The following ARID1A variants were observed in gnomAD, a reference collection of about 807,000 sequenced individuals.
The protein encoded by ARID1A is AT-rich interactive domain-containing protein 1A.
A neutral mutation model predicts 212.6 loss-of-function variants in ARID1A; 20 were observed. That is an observed-to-expected ratio of 0.09 (90% CI 0.07 to 0.14). The LOEUF is 0.14. ARID1A is among the 10% of genes least tolerant of loss of function. The probability of loss-of-function intolerance (pLI) is 1.00; values close to 1 mark genes in which losing one functional copy is unlikely to be tolerated. For missense variants in ARID1A, 2,587 were observed against 3,059.0 expected, an observed-to-expected ratio of 0.85 and a Z score of 3.64; for synonymous variants, 1,376 against 1,222.1, an observed-to-expected ratio of 1.13 and a Z score of -2.63.
chr1:26,749,348 C>G (rs2080865200), intron 4 of ARID1A, among the ~76,000 whole-genome samples: 1 of 152,026 alleles, frequency 6.6e-6, no homozygotes, highest in African/African-American at 2.4e-5. Context: ...TGCCAGTTCT[C>G]ATTGTGTTTG....
intron 1 of ARID1A, among the ~76,000 whole-genome samples, chr1:26,705,709 T>C (rs1180835061): frequency 6.6e-6 from 1 of 152,198 alleles, no homozygotes; most frequent in Non-Finnish European, 1.5e-5. Context: ...TAGCCTTGAG[T>C]ATTCTTCCTG....
chr1:26,706,986 A>G (rs2080398253), intron 1 of ARID1A, among the ~76,000 whole-genome samples: 1 of 151,722 alleles, frequency 6.6e-6, no homozygotes, highest in Admixed American at 6.6e-5. Flanking sequence ...ACAATTCTGT[A>G]GGTAGTTTAT....
Position 26,760,861 on chromosome 1 carries a change from A to C in ARID1A, c.1926A>C (p.Leu642=). Residue 642 remains leucine, a synonymous_variant, in exon 5 of 20, where the codon CTA becomes CTC. Coordinates refer to ENST00000324856, the MANE Select transcript of ARID1A (RefSeq NM_006015.6). ...TTCTTATATATATGTTCTAGGATCTATCTGGTTCAATAGATGACCTCCCCA... is the reference window on the plus strand; with the variant it reads ...TTCTTATATATATGTTCTAGGATCTCTCTGGTTCAATAGATGACCTCCCCA... ...LQSRPSSLPD[L]SGSIDDLPMG... 2 of 1,611,840 alleles carry C rather than the reference A, an allele frequency of 1.2e-6. No homozygotes were observed. The highest frequency in any genetic ancestry group is 1.7e-6 in the Non-Finnish European group (2 of 1,178,264).
intron 1 of ARID1A, 116 bp from the exon 2 acceptor site, chr1:26,729,535 A>G (rs2080652364): frequency 8.2e-7 from 1 of 1,223,562 alleles, no homozygotes; most frequent in Non-Finnish European, 1.2e-6. Context: ...TGCTCTTTCA[A>G]AGTAACTGTA....
At chr1:26,728,412 T>C (rs1456594063) in intron 1 of ARID1A, among the ~76,000 whole-genome samples, 1 of 152,218 alleles carries the variant, frequency 6.6e-6, no homozygotes, top group Non-Finnish European at 1.5e-5. Context: ...CCTTCCTTTA[T>C]TTTGGAGGTT....
intron 1 of ARID1A, among the ~76,000 whole-genome samples, chr1:26,712,407 G>A (rs1309044732): frequency 2.0e-5 from 3 of 152,126 alleles, no homozygotes; most frequent in South Asian, 2.1e-4. Context: ...TAAGTAGGCC[G>A]AGAGCAGTGG....
chr1:26,727,113 C>T (rs1337841594), intron 1 of ARID1A, among the ~76,000 whole-genome samples: 2 of 152,180 alleles, frequency 1.3e-5, no homozygotes, highest in Non-Finnish European at 2.9e-5. Flanking sequence ...TACTGATAAT[C>T]GCTACCATTT....
chr1:26,780,571 C>T lies in ARID1A; in HGVS notation c.6673C>T (p.Pro2225Ser), dbSNP rs557263210. 6.2e-7 allele frequency: 1 copy of T among 1,614,108 alleles called. No homozygotes were observed. Among genetic ancestry groups the T allele is most frequent in the Admixed American group, 1.7e-5 (1 of 60,026 alleles). Residue 2225 changes from proline (P) to serine (S), a missense_variant, in exon 20 of 20, where the codon CCA becomes TCA. This residue lies in a region of ARID1A where 16 missense variants were observed against 33.2 expected (regional missense o/e 0.48). Transcript: ENST00000324856. The surrounding 1 kb of genome is among the most constrained non-coding windows in gnomAD (Gnocchi z 7.2). ...LLHMQNPPFE[P>S]TSVDMMRRAA... ...CCACATGCAGAACCCACCCTTTGAG[C>T]CAACTAGTGTGGACATGATGCGGCG...
chr1:26,725,535 G>A (rs1386660963), intron 1 of ARID1A, among the ~76,000 whole-genome samples: 3 of 152,144 alleles, frequency 2.0e-5, no homozygotes, highest in Non-Finnish European at 4.4e-5. Flanking sequence ...CAAATAAGCT[G>A]CATATTCTGT....
At chr1:26,778,984 T>G (rs1396740834) in intron 19 of ARID1A, 39 bp from the exon 20 acceptor site, 1 of 1,494,904 alleles carries the variant, frequency 6.7e-7, no homozygotes, top group African/African-American at 1.4e-5. Context: ...TTAGGCCACT[T>G]TTCTCCCTTA....
In ARID1A at chr1:26,742,716, A is replaced by G. The variant is rs1425029175; in HGVS notation, c.1920+9924A>G. On this transcript the variant is annotated intron_variant, in intron 4 of 19. Coordinates refer to ENST00000324856, the MANE Select transcript of ARID1A (RefSeq NM_006015.6). ...CCAGGCACGGTGGCTCACACCTGTAATCCCAGCACTGTGGGAGGCTGAGGC... is the reference window on the plus strand; with the variant it reads ...CCAGGCACGGTGGCTCACACCTGTAGTCCCAGCACTGTGGGAGGCTGAGGC... Among the ~76,000 whole-genome samples the G allele has an allele frequency of 2.0e-5, 3 of 152,144 alleles. No homozygotes were observed. In the East Asian group the frequency reaches 5.8e-4, roughly 29 times the overall value.
At chr1:26,732,010 C>T (rs1028708985) in intron 3 of ARID1A, among the ~76,000 whole-genome samples, 2 of 152,154 alleles carry the variant, frequency 1.3e-5, no homozygotes, top group Non-Finnish European at 2.9e-5. Flanking sequence ...CCATTCCATT[C>T]TGCTATCGCT....
chr1:26,772,380 C>G, intron 12 of ARID1A, 120 bp from the exon 13 acceptor site: 1 of 1,425,532 alleles, frequency 7.0e-7, no homozygotes, highest in South Asian at 1.3e-5. Context: ...GAAGGGTGAT[C>G]AGGCTTTAAA....
chr1:26,709,852 A>G (rs1457449923), intron 1 of ARID1A, among the ~76,000 whole-genome samples: 5 of 146,266 alleles, frequency 3.4e-5, no homozygotes, highest in Non-Finnish European at 6.0e-5. Flanking sequence ...TTTTTTTTGG[A>G]GACAGAATCT....
In ARID1A at chr1:26,697,276, C is replaced by T. The variant is rs2080277910; in HGVS notation, c.873C>T (p.Ala291=). Residue 291 remains alanine, a synonymous_variant, in exon 1 of 20, where the codon GCC becomes GCT. Coordinates refer to ENST00000324856, the MANE Select transcript of ARID1A (RefSeq NM_006015.6). ...AAGGGTPQPT[A]TPTLNQLLTS... ...GCGGGGGAACTCCCCAGCCCACCGC[C>T]ACCCCCACCCTCAACCAACTGCTCA... The T allele has an allele frequency of 7.3e-7, 1 of 1,364,872 alleles. No individual in the cohort carries two copies. Among genetic ancestry groups the T allele is most frequent in the African/African-American group, 1.5e-5 (1 of 65,668 alleles). The allele number at this position is 1,364,872 out of a possible 1,614,324, so 84.5% of individuals were successfully genotyped here. A position where few individuals can be genotyped will look rare whatever the true frequency, so the allele number is the denominator to read the frequency against.
At chr1:26,773,245 A>G (rs965030423) in intron 14 of ARID1A, 101 bp from the exon 15 acceptor site, 7 of 1,454,444 alleles carry the variant, frequency 4.8e-6, no homozygotes, top group Non-Finnish European at 6.5e-6. Flanking sequence ...CTGGAAAACA[A>G]TGAGATCAAA....
Position 26,763,127 on chromosome 1 carries a change from G to A in ARID1A, c.2574G>A (p.Met858Ile), listed in dbSNP as rs2124069143. The A allele has an allele frequency of 6.2e-7, 1 of 1,614,280 alleles. No individual in the cohort carries two copies. The highest frequency in any genetic ancestry group is 8.5e-7 in the Non-Finnish European group (1 of 1,180,048). ...ATGGCACACTCCCTCCAGGGAGGATGAGTCACGCCTCCATGGGCAACCGGC... is the reference window on the plus strand; with the variant it reads ...ATGGCACACTCCCTCCAGGGAGGATAAGTCACGCCTCCATGGGCAACCGGC... ...PPYGTLPPGR[M>I]SHASMGNRPY... Residue 858 changes from methionine to isoleucine, a missense_variant, in exon 8 of 20, where the codon ATG (methionine) becomes ATA (isoleucine). Physicochemically the swap from Met to Ile is conservative, Grantham distance 10. Around this residue, in one of 11 missense-constraint regions of ARID1A, gnomAD observed 674 missense variants for 813.4 expected, o/e 0.83. Coordinates refer to ENST00000324856, the MANE Select transcript of ARID1A (RefSeq NM_006015.6).
intron 11 of ARID1A, among the ~76,000 whole-genome samples, chr1:26,768,418 A>G (rs1037138683): frequency 2.0e-5 from 3 of 152,220 alleles, no homozygotes; most frequent in African/African-American, 7.2e-5. Flanking sequence ...TATTTGTAAA[A>G]TACAAACAGT....
intron 1 of ARID1A, among the ~76,000 whole-genome samples, chr1:26,712,530 AT>A (rs1337954996): frequency 6.6e-6 from 1 of 151,860 alleles, no homozygotes; most frequent in East Asian, 1.9e-4. Context: ...CTTAAAAAAA[AT>A]TTTTTTTAAA....
Sources: allele counts gnomAD v4.1 joint callset (sites outside exome capture counted in the v4.1 genomes callset), GRCh38; gene constraint gnomAD v4.1.1; regional missense constraint gnomAD v4.1.1; non-coding constraint Gnocchi (gnomAD v3.1); transcripts MANE v1.5; gene names NCBI Gene and HGNC (gene_info 2026-07-23, HGNC 2026-07-21).